Variants in ZNF804A observed in about 807,000 individuals in gnomAD.
ZNF804A encodes zinc finger protein 804A.
A neutral mutation model predicts 16.5 loss-of-function variants in ZNF804A; 2 were observed. The observed-to-expected ratio is 0.12, with a 90% CI of 0.05 to 0.38. The LOEUF (loss-of-function observed/expected upper bound fraction) is 0.38. Among genes scored for constraint, ZNF804A ranks in the 10% least tolerant of loss-of-function variants. ZNF804A has a pLI of 0.99. For synonymous variants in ZNF804A, 534 were observed against 489.6 expected (o/e 1.09, Z -1.20); for missense variants, 1,473 against 1,390.7 (o/e 1.06, Z -0.94).
At chr2:184,748,255 A>G (rs1574193310) in intron 1 of ZNF804A, among the ~76,000 whole-genome samples, 1 of 147,648 alleles carries the variant, frequency 6.8e-6, no homozygotes, top group Non-Finnish European at 1.5e-5. Flanking sequence ...GTGTATTAAC[A>G]TTTTCTTTTC....
intron 1 of ZNF804A, among the ~76,000 whole-genome samples, chr2:184,642,022 GCACA>G (rs200608486): frequency 6.6e-6 from 1 of 151,418 alleles, no homozygotes. Context: ...TTCTCATCAA[GCACA>G]CACACACACA....
chr2:184,617,861 T>A (rs1691351887), intron 1 of ZNF804A, among the ~76,000 whole-genome samples: 1 of 151,740 alleles, frequency 6.6e-6, no homozygotes, highest in Admixed American at 6.6e-5. Flanking sequence ...TTGATAAAAA[T>A]TTACATAAAA....
At chr2:184,916,284 T>C (rs13421054) in intron 2 of ZNF804A, among the ~76,000 whole-genome samples, 278 of 152,298 alleles carry the variant, frequency 1.8e-3, no homozygotes, top group African/African-American at 6.6e-3. Flanking sequence ...AAGAGAGTAA[T>C]GTATTTACTT....
intron 1 of ZNF804A, among the ~76,000 whole-genome samples, chr2:184,810,243 T>A (rs1694870111): frequency 6.6e-6 from 1 of 152,098 alleles, no homozygotes; most frequent in African/African-American, 2.4e-5. Flanking sequence ...ATATTTGCAA[T>A]TTTTATAGAG....
At chr2:184,883,606 T>C (rs888842312) in intron 2 of ZNF804A, among the ~76,000 whole-genome samples, 8 of 152,004 alleles carry the variant, frequency 5.3e-5, no homozygotes, top group Admixed American at 3.3e-4. Context: ...TCCACCACAA[T>C]CAATTAGGAT....
chr2:184,647,039 T>TTACTTATAA (rs1314259773), intron 1 of ZNF804A, among the ~76,000 whole-genome samples: 1 of 152,186 alleles, frequency 6.6e-6, no homozygotes, highest in African/African-American at 2.4e-5. Flanking sequence ...CAGCTAGCTC[T>TTACTTATAA]TACTTATAAA....
At chr2:184,822,782 A>G (rs1695103362) in intron 1 of ZNF804A, among the ~76,000 whole-genome samples, 1 of 152,200 alleles carries the variant, frequency 6.6e-6, no homozygotes, top group African/African-American at 2.4e-5. Flanking sequence ...CAATATTAGT[A>G]CATTTAATAC....
rs191070464 is a variant in ZNF804A, at chr2:184,618,300, T to A, written c.111+19230T>A. 3.5e-3 allele frequency among the ~76,000 whole-genome samples: 535 copies of A among 152,276 alleles called. 6 individuals are homozygous for A. Among genetic ancestry groups the A allele is most frequent in the African/African-American group, 0.012 (504 of 41,578 alleles). ...TAATTAAAATTGGCATTATTGCCTATTTATTAACTTACCAAAAAAGTTTTC... is the reference window on the plus strand; with the variant it reads ...TAATTAAAATTGGCATTATTGCCTAATTATTAACTTACCAAAAAAGTTTTC... On this transcript the variant is annotated intron_variant, in intron 1 of 3. Transcript: ENST00000302277.
chr2:184,736,214 A>G (rs565490382), intron 1 of ZNF804A, among the ~76,000 whole-genome samples: 25 of 152,284 alleles, frequency 1.6e-4, no homozygotes, highest in African/African-American at 6.0e-4. Flanking sequence ...CATGATTTCC[A>G]TGTGATCCTG....
chr2:184,673,570 G>C (rs998924993), intron 1 of ZNF804A, among the ~76,000 whole-genome samples: 2 of 152,220 alleles, frequency 1.3e-5, no homozygotes, highest in Non-Finnish European at 2.9e-5. Context: ...CAGCAGGAAA[G>C]AGGGTACAAT....
chr2:184,764,879 T>A (rs1397644561), intron 1 of ZNF804A, among the ~76,000 whole-genome samples: 1 of 152,110 alleles, frequency 6.6e-6, no homozygotes, highest in Non-Finnish European at 1.5e-5. Context: ...ATTATGACAA[T>A]CATTTAAAAA....
chr2:184,773,960 T>C (rs1694253297), intron 1 of ZNF804A, among the ~76,000 whole-genome samples: 1 of 151,946 alleles, frequency 6.6e-6, no homozygotes, highest in African/African-American at 2.4e-5. Flanking sequence ...CTACTGATTG[T>C]TCACTTCATC....
At chr2:184,695,465 T>TAAAAAAAAAAAAAAA (rs779929990) in intron 1 of ZNF804A, among the ~76,000 whole-genome samples, 11 of 51,828 alleles carry the variant, frequency 2.1e-4, no homozygotes, top group African/African-American at 1.0e-3. Flanking sequence ...ACTCCGTCAT[T>TAAAAAAAAAAAAAAA]AAAAAAAAAA....
chr2:184,680,664 CA>C (rs574359813), intron 1 of ZNF804A, among the ~76,000 whole-genome samples: 2 of 152,260 alleles, frequency 1.3e-5, no homozygotes, highest in Non-Finnish European at 2.9e-5. Flanking sequence ...TTGTCTTGCT[CA>C]ACCTTTACTT....
chr2:184,738,038 AT>A (rs34461606), intron 1 of ZNF804A, among the ~76,000 whole-genome samples: 21,501 of 151,596 alleles, frequency 0.14, 1,666 homozygotes, highest in Middle Eastern at 0.24. Flanking sequence ...AGGCAAGAGA[AT>A]CACTTGAACC....
chr2:184,763,682 G>T (rs1244052429), intron 1 of ZNF804A, among the ~76,000 whole-genome samples: 1 of 108,194 alleles, frequency 9.2e-6, no homozygotes, highest in Non-Finnish European at 1.7e-5. Context: ...TTGCTCCGTC[G>T]CCCAGGCTGG....
chr2:184,892,637 C>T (rs2105823173), intron 2 of ZNF804A, among the ~76,000 whole-genome samples: 1 of 152,134 alleles, frequency 6.6e-6, no homozygotes, highest in East Asian at 1.9e-4. Context: ...GCACGCGCCA[C>T]CATGCCCGGC....
Position 184,792,384 on chromosome 2 carries a change from T to C in ZNF804A, c.112-73985T>C, listed in dbSNP as rs1386178017. On this transcript the variant is annotated intron_variant, in intron 1 of 3. Transcript: ENST00000302277. ...TCTAATAGATGTGTAGCAGTATATT[T>C]TTCTAGTCTGTAATTCCGTAAAGAC... 2.0e-5 allele frequency among the ~76,000 whole-genome samples: 3 copies of C among 152,310 alleles called. No homozygotes were observed. The East Asian group carries it at 5.8e-4, about 29-fold the overall frequency.
chr2:184,731,874 C>T (rs1693526889), intron 1 of ZNF804A, among the ~76,000 whole-genome samples: 1 of 152,110 alleles, frequency 6.6e-6, no homozygotes, highest in Non-Finnish European at 1.5e-5. Context: ...AAACACCTGG[C>T]TTTTAACCCA....
Sources: gnomAD v4.1 joint callset for allele counts (sites outside exome capture counted in the v4.1 genomes callset) on GRCh38, gnomAD v4.1.1 for gene constraint, MANE v1.5 for transcripts, NCBI Gene and HGNC (gene_info 2026-07-23, HGNC 2026-07-21) for gene names.